PHIP: variants seen among roughly 807,000 people sequenced by gnomAD.
The protein encoded by PHIP is PHIP subunit of CUL4-Ring ligase complex.
PHIP carries 54 observed loss-of-function variants against 236.8 expected under a neutral mutation model. The ratio of observed to expected loss-of-function variants is 0.23; its 90% CI spans 0.18 to 0.29. The LOEUF (loss-of-function observed/expected upper bound fraction) is 0.29, where lower values mean the gene tolerates loss of function less well. PHIP is among the 10% of genes least tolerant of loss of function. PHIP has a pLI of 1.00. For missense variants in PHIP, 1,370 were observed against 2,190.8 expected, an observed-to-expected ratio of 0.63 and a Z score of 7.48; for synonymous variants, 756 against 718.9, an observed-to-expected ratio of 1.05 and a Z score of -0.83.
At chr6:79,040,135 T>C (rs146831644) in intron 7 of PHIP, among the ~76,000 whole-genome samples, 74 of 152,284 alleles carry the variant, frequency 4.9e-4, no homozygotes, top group African/African-American at 1.7e-3. Flanking sequence ...TCAGTACTAA[T>C]TATATGCATT....
In PHIP at chr6:78,939,446, C is replaced by T. The variant is rs577577228; in HGVS notation, c.*1247G>A. The T allele has an allele frequency of 6.6e-6, 1 of 151,826 alleles. No individual in the cohort carries two copies. The highest frequency in any genetic ancestry group is 2.1e-4 in the South Asian group (1 of 4,818). 9.4% of individuals were successfully genotyped at this position (151,826 alleles called of 1,614,324 possible). A position where few individuals can be genotyped will look rare whatever the true frequency, so the allele number is the denominator to read the frequency against. On this transcript the variant is annotated 3_prime_UTR_variant, in exon 40 of 40. Transcript: ENST00000275034. ...AAAAAGTGATTTGGCCTATTTTAAC[C>T]TTTAATAATTGAAAATAACCAATTT... is the stretch of plus-strand genomic sequence containing the variant.
chr6:79,060,488 T>G lies in PHIP; in HGVS notation c.429A>C (p.Pro143=), dbSNP rs747879997. 4 of 1,612,076 alleles carry G rather than the reference T, an allele frequency of 2.5e-6. No individual in the cohort carries two copies. Among genetic ancestry groups the G allele is most frequent in the Admixed American group, 1.7e-5 (1 of 59,774 alleles). ...PPESPVNYGS[P]PSIADTLFSR... is the part of the protein sequence containing the mutation. ...ACTCAAACAACTCACCAATGCTGGG[T>G]GGGCTACCATAGTTAACTGGTGACT... The change falls in exon 6 of 40, where the codon CCA becomes CCC. Residue 143 remains proline, a synonymous_variant. Transcript: ENST00000275034.
intron 18 of PHIP, 72 bp from the exon 19 acceptor site, chr6:78,997,669 G>C (rs1379825040): frequency 8.7e-7 from 1 of 1,150,056 alleles, no homozygotes; most frequent in Non-Finnish European, 1.2e-6. Context: ...AGAAAAAAGA[G>C]ATAAAACACT....
At chr6:78,973,993 C>G (rs1048131979) in intron 24 of PHIP, among the ~76,000 whole-genome samples, 4 of 152,080 alleles carry the variant, frequency 2.6e-5, no homozygotes, top group Non-Finnish European at 5.9e-5. Flanking sequence ...CAAGGATACC[C>G]AGGAATTGAA....
intron 6 of PHIP, among the ~76,000 whole-genome samples, chr6:79,056,587 G>A (rs1389752885): frequency 1.3e-5 from 2 of 152,100 alleles, no homozygotes; most frequent in African/African-American, 4.8e-5. Context: ...TTGTGACAAG[G>A]GGGTAGTGGG....
chr6:78,978,842 G>A (rs1246713259), intron 23 of PHIP, 131 bp from the exon 24 acceptor site: 7 of 609,688 alleles, frequency 1.1e-5, no homozygotes, highest in Non-Finnish European at 1.8e-5. Context: ...ATTATATACA[G>A]TTGGCCCTGT....
chr6:79,023,112 C>T (rs1231006445), intron 9 of PHIP, among the ~76,000 whole-genome samples: 1 of 152,054 alleles, frequency 6.6e-6, no homozygotes, highest in Non-Finnish European at 1.5e-5. Context: ...GGATCTTGGC[C>T]CTGTCGCAGA....
chr6:79,025,686 T>G (rs1771365036), intron 8 of PHIP, 67 bp from the exon 9 acceptor site: 1 of 1,060,252 alleles, frequency 9.4e-7, no homozygotes, highest in Non-Finnish European at 1.4e-6. Flanking sequence ...ATCTACTTTT[T>G]GCCATACAAA....
rs1440557494 is a variant in PHIP at position 78,939,183 on chromosome 6, C to T, written c.*1510G>A. 2.0e-5 allele frequency: 3 copies of T among 151,706 alleles called. No homozygotes were observed. The highest frequency in any genetic ancestry group is 4.4e-5 in the Non-Finnish European group (3 of 67,694). The allele number at this position is 151,706 out of a possible 1,614,324, so 9.4% of individuals were successfully genotyped here. The stretch of plus-strand genomic sequence containing the variant: ...TGTACCATAAACAAATAAATAACTG[C>T]TTTCCTTTTCCATAGCAGTACATAT... On this transcript the variant is annotated 3_prime_UTR_variant, in exon 40 of 40. Transcript: ENST00000275034.
intron 23 of PHIP, among the ~76,000 whole-genome samples, chr6:78,981,344 G>A (rs1418718275): frequency 6.6e-6 from 1 of 151,900 alleles, no homozygotes; most frequent in Non-Finnish European, 1.5e-5. Flanking sequence ...TAGAGGACTA[G>A]GGAATAAGAA....
At chr6:78,995,191 T>G (rs776337422) in intron 19 of PHIP, among the ~76,000 whole-genome samples, 5 of 152,222 alleles carry the variant, frequency 3.3e-5, no homozygotes, top group Non-Finnish European at 7.3e-5. Flanking sequence ...ACCCATTGTA[T>G]CAATATGCTG....
intron 6 of PHIP, among the ~76,000 whole-genome samples, chr6:79,050,466 G>A (rs1328382463): frequency 6.6e-6 from 1 of 152,140 alleles, no homozygotes; most frequent in Non-Finnish European, 1.5e-5. Flanking sequence ...GCCAAAGACT[G>A]TACCCTTAAC....
At chr6:79,008,425 A>T (rs1199691910) in intron 15 of PHIP, among the ~76,000 whole-genome samples, 1 of 152,128 alleles carries the variant, frequency 6.6e-6, no homozygotes, top group African/African-American at 2.4e-5. Flanking sequence ...TCAAAAGAAA[A>T]ATATTACCAA....
chr6:79,058,114 AAGAG>A (rs1266079228), intron 6 of PHIP, among the ~76,000 whole-genome samples: 5 of 152,116 alleles, frequency 3.3e-5, no homozygotes, highest in African/African-American at 9.7e-5. Context: ...ATCACAATGG[AAGAG>A]AGAGAGAAAA....
At chr6:78,943,117 A>G (rs148692753) in intron 39 of PHIP, among the ~76,000 whole-genome samples, 30 of 152,302 alleles carry the variant, frequency 2.0e-4, no homozygotes, top group African/African-American at 6.0e-4. Context: ...TGGGATAAAT[A>G]AAATATTATT....
intron 13 of PHIP, 129 bp from the exon 14 acceptor site, chr6:79,015,912 T>G (rs1770813632): frequency 1.6e-6 from 1 of 612,280 alleles, no homozygotes; most frequent in Non-Finnish European, 2.7e-6. Flanking sequence ...ACTGAGAAGT[T>G]TGAATCAACA....
chr6:78,954,769 T>C (rs1315861291), intron 35 of PHIP, 45 bp downstream of exon 35: 1 of 1,245,466 alleles, frequency 8.0e-7, no homozygotes. Context: ...GTAAAAGGTA[T>C]GTAGCAAACT....
intron 19 of PHIP, among the ~76,000 whole-genome samples, chr6:78,992,907 T>A (rs1769359309): frequency 6.6e-6 from 1 of 152,168 alleles, no homozygotes; most frequent in Non-Finnish European, 1.5e-5. Flanking sequence ...AACTCTGTGA[T>A]AAAGGCATGT....
intron 6 of PHIP, among the ~76,000 whole-genome samples, chr6:79,059,477 G>A (rs1773245057): frequency 6.6e-6 from 1 of 151,206 alleles, no homozygotes; most frequent in Admixed American, 6.6e-5. Flanking sequence ...ATGATTATAT[G>A]TAAATGACTA....
Sources: allele counts gnomAD v4.1 joint callset (sites outside exome capture counted in the v4.1 genomes callset), GRCh38; gene constraint gnomAD v4.1.1; transcripts MANE v1.5; gene names NCBI Gene and HGNC (gene_info 2026-07-23, HGNC 2026-07-21).